The following SPRY3 variants were observed in gnomAD, a reference collection of about 807,000 sequenced individuals.
SPRY3 encodes the protein protein sprouty homolog 3.
In SPRY3, 15 loss-of-function variants were observed where a neutral mutation model predicts 20.2. The ratio of observed to expected loss-of-function variants is 0.74; its 90% CI spans 0.50 to 1.14. The LOEUF is 1.14. Ranked by LOEUF, SPRY3 falls within the 50% of genes most tolerant of loss-of-function variation. The pLI, the probability that SPRY3 is intolerant of heterozygous loss-of-function variation, is 0.00. For missense variants in SPRY3, 364 were observed against 363.9 expected (o/e 1.00, Z 0.00); for synonymous variants, 143 against 136.5 (o/e 1.05, Z -0.33).
chrX:155,719,205 C>T (rs1448745364), intron 2 of SPRY3, among the ~76,000 whole-genome samples: 2 of 152,102 alleles, frequency 1.3e-5, no homozygotes, highest in African/African-American at 4.8e-5. Context: ...TCGTGCTGTC[C>T]TGTTATAGCA....
downstream of SPRY3, chrX:155,780,331 C>T (rs1330985091): frequency 6.0e-6 from 1 of 166,930 alleles, no homozygotes; most frequent in East Asian, 1.9e-4. Flanking sequence ...GTAGGCAAGC[C>T]ACAGGTATGT....
At chrX:155,653,620 T>C (rs1557352685) in intron 1 of SPRY3, among the ~76,000 whole-genome samples, 1 of 112,060 alleles carries the variant, frequency 8.9e-6, no homozygotes, top group Non-Finnish European at 1.9e-5. Flanking sequence ...TTGTCTATCC[T>C]TATGCTAGTG....
At chrX:155,675,484 A>G (rs782193327) in intron 2 of SPRY3, among the ~76,000 whole-genome samples, 19 of 111,144 alleles carry the variant, frequency 1.7e-4, no homozygotes, top group Non-Finnish European at 2.6e-4. Context: ...AATTAAGTAA[A>G]GCAGTCCGTT....
At chrX:155,683,969 G>A (rs1406646478) in intron 2 of SPRY3, among the ~76,000 whole-genome samples, 1 of 110,699 alleles carries the variant, frequency 9.0e-6, no homozygotes, top group Non-Finnish European at 1.9e-5. Context: ...TTTTCATCAG[G>A]AGGACATGGG....
At chrX:155,780,271 TC>T (rs1487587541), downstream of SPRY3, 1 of 166,930 alleles carries the variant, frequency 6.0e-6, no homozygotes, top group African/African-American at 2.4e-5. Flanking sequence ...CTCTGGAAGC[TC>T]CCAGGTCCTT....
intron 1 of SPRY3, among the ~76,000 whole-genome samples, chrX:155,619,686 G>T (rs1372697307): frequency 3.6e-5 from 4 of 111,182 alleles, no homozygotes; most frequent in Non-Finnish European, 7.6e-5. Flanking sequence ...AGTTTAAAGT[G>T]ATAAACTTCA....
chrX:155,654,951 G>T (rs782210060), intron 1 of SPRY3, among the ~76,000 whole-genome samples: 3 of 111,258 alleles, frequency 2.7e-5, no homozygotes, highest in East Asian at 5.6e-4. Context: ...ACTGTTTTCT[G>T]TAGAGGTTGT....
intron 2 of SPRY3, among the ~76,000 whole-genome samples, chrX:155,673,001 T>A (rs1265160542): frequency 2.3e-5 from 2 of 85,881 alleles, no homozygotes; most frequent in African/African-American, 8.6e-5. Flanking sequence ...CACTCATAGG[T>A]GGGAATTGAA....
Position 155,616,134 on chromosome X carries a change from T to TC in SPRY3, c.-441+3488dup, listed in dbSNP as rs373101667. Among the ~76,000 whole-genome samples the TC allele has an allele frequency of 3.6e-4, 21 of 58,455 alleles. No individual in the cohort carries two copies. The East Asian group carries it at 9.0e-3, about 25-fold the overall frequency. 50.8% of individuals were successfully genotyped at this position (58,455 alleles called of 115,157 possible). A position where few individuals can be genotyped will look rare whatever the true frequency, so the allele number is the denominator to read the frequency against. ...TCTCTCTCTCTCTCTCTCTCTCCTCTCTCTCTCTCTCTCTCTTCTCTCTCT... is the reference window on the plus strand; with the variant it reads ...TCTCTCTCTCTCTCTCTCTCTCCTCTCCTCTCTCTCTCTCTCTTCTCTCTCT... On this transcript the variant is annotated intron_variant, in intron 1 of 3. Coordinates refer to ENST00000675360, the Ensembl canonical transcript of SPRY3.
intron 2 of SPRY3, among the ~76,000 whole-genome samples, chrX:155,758,391 A>G (rs1340633474): frequency 6.6e-6 from 1 of 152,094 alleles, no homozygotes; most frequent in Non-Finnish European, 1.5e-5. Context: ...TCCCTCACAC[A>G]CTTCCATTAT....
intron 1 of SPRY3, among the ~76,000 whole-genome samples, chrX:155,645,127 T>A (rs1557351736): frequency 9.0e-6 from 1 of 111,722 alleles, no homozygotes; most frequent in East Asian, 2.8e-4. Flanking sequence ...TCTAGAAATG[T>A]CATCTGGGAG....
At chrX:155,774,491 C>T (rs1342341446) in exon 4 of SPRY3, 1 of 1,614,030 alleles carries the variant, frequency 6.2e-7, no homozygotes, top group Admixed American at 1.7e-5. Flanking sequence ...GACAACTGTG[C>T]TGATGAGCCC....
intron 2 of SPRY3, among the ~76,000 whole-genome samples, chrX:155,741,068 T>C (rs2091202437): frequency 6.6e-6 from 1 of 152,200 alleles, no homozygotes; most frequent in Non-Finnish European, 1.5e-5. Flanking sequence ...TAAAGGAGCA[T>C]GTTTTAACCC....
intron 2 of SPRY3, among the ~76,000 whole-genome samples, chrX:155,705,197 T>C (rs1468616966): frequency 4.0e-5 from 6 of 151,476 alleles, no homozygotes; most frequent in Non-Finnish European, 7.4e-5. Flanking sequence ...ATAGCATATA[T>C]AAAATTAGAA....
intron 2 of SPRY3, among the ~76,000 whole-genome samples, chrX:155,738,947 A>C (rs1358578674): frequency 6.6e-6 from 1 of 152,106 alleles, no homozygotes; most frequent in Admixed American, 6.5e-5. Context: ...CTTCCATGGA[A>C]CCTCACAAGT....
intron 2 of SPRY3, among the ~76,000 whole-genome samples, chrX:155,669,040 G>A (rs782268242): frequency 1.0e-3 from 115 of 110,450 alleles, no homozygotes; most frequent in Non-Finnish European, 9.5e-4. Flanking sequence ...TTAAACTTAC[G>A]GTAACTACAC....
chrX:155,751,924 G>GAAAT (rs1198863459), intron 2 of SPRY3, among the ~76,000 whole-genome samples: 5 of 121,662 alleles, frequency 4.1e-5, no homozygotes, highest in Non-Finnish European at 7.1e-5. Flanking sequence ...CAAGGGAAGG[G>GAAAT]AAATAAAATA....
At chrX:155,711,732 C>T (rs1374062287) in intron 2 of SPRY3, among the ~76,000 whole-genome samples, 7 of 145,588 alleles carry the variant, frequency 4.8e-5, no homozygotes, top group Admixed American at 6.8e-5. Context: ...TTCTTTTTAT[C>T]TATTTACTAA....
intron 1 of SPRY3, among the ~76,000 whole-genome samples, chrX:155,647,997 C>G (rs1557352006): frequency 8.9e-6 from 1 of 111,987 alleles, no homozygotes; most frequent in East Asian, 2.8e-4. Context: ...GATCGCCATT[C>G]TAACTGGCAT....
Sources: gnomAD v4.1 joint callset for allele counts (sites outside exome capture counted in the v4.1 genomes callset) on GRCh38, gnomAD v4.1.1 for gene constraint, MANE v1.5 for transcripts, NCBI Gene and HGNC (gene_info 2026-07-23, HGNC 2026-07-21) for gene names.